The following SLC9C2 variants were observed in gnomAD, a reference collection of about 807,000 sequenced individuals.
SLC9C2 encodes the protein sodium/hydrogen exchanger 11.
SLC9C2 carries 75 observed loss-of-function variants against 140.2 expected under a neutral mutation model. The ratio of observed to expected loss-of-function variants is 0.53; its 90% CI spans 0.44 to 0.65. SLC9C2 has a LOEUF of 0.65. Ranked by LOEUF, SLC9C2 falls within the 30% of genes least tolerant of loss-of-function variation. The pLI is 0.00. For missense variants in SLC9C2, 1,074 were observed against 1,331.8 expected (o/e 0.81, Z 3.01); for synonymous variants, 375 against 420.9 (o/e 0.89, Z 1.34).
chr1:173,566,894 T>C (rs1378416288), intron 9 of SLC9C2, among the ~76,000 whole-genome samples: 3 of 152,044 alleles, frequency 2.0e-5, no homozygotes, highest in Non-Finnish European at 2.9e-5. Flanking sequence ...TTATCATATG[T>C]TTCAAGAAAT....
chr1:173,526,891 G>C (rs1421032714), intron 18 of SLC9C2, among the ~76,000 whole-genome samples, 177 bp from the exon 19 acceptor site: 1 of 151,940 alleles, frequency 6.6e-6, no homozygotes, highest in African/African-American at 2.4e-5. Context: ...TGTTGCCGAG[G>C]TTGGAGTGCA....
chr1:173,558,201 C>T (rs1359100680), intron 9 of SLC9C2, among the ~76,000 whole-genome samples: 1 of 152,146 alleles, frequency 6.6e-6, no homozygotes, highest in East Asian at 1.9e-4. Context: ...AGTTGATCAA[C>T]TATAATTGCA....
rs2101891720 is a variant in SLC9C2 at position 173,506,917 on chromosome 1, A to G, written c.3164T>C (p.Ile1055Thr). 1 of 1,613,944 alleles carries G rather than the reference A, an allele frequency of 6.2e-7. No individual in the cohort carries two copies. Among genetic ancestry groups the G allele is most frequent in the East Asian group, 2.2e-5 (1 of 44,860 alleles). ...KFVIIVYGSV[I>T]DTKTEEPYFA... ...ATATGGTTCCTCTGTCTTAGTATCAATTACACTGCCATACACAATGATAAC... is the reference window on the plus strand; with the variant it reads ...ATATGGTTCCTCTGTCTTAGTATCAGTTACACTGCCATACACAATGATAAC... Residue 1055 changes from isoleucine to threonine, a missense_variant, in exon 25 of 28, where the codon ATT becomes ACT. Ile to Thr is a moderately conservative substitution (Grantham distance 89, BLOSUM62 -1). Transcript: ENST00000367714.
chr1:173,548,988 T>C (rs1663064744), intron 11 of SLC9C2, among the ~76,000 whole-genome samples: 1 of 152,206 alleles, frequency 6.6e-6, no homozygotes, highest in Admixed American at 6.5e-5. Flanking sequence ...CTGTACATAA[T>C]AACATTTAAA....
chr1:173,536,079 T>C (rs1661933912), intron 14 of SLC9C2, 130 bp from the exon 15 acceptor site: 1 of 704,432 alleles, frequency 1.4e-6, no homozygotes, highest in Non-Finnish European at 2.1e-6. Context: ...GTCTCATGCC[T>C]CTGCATCCAT....
intron 15 of SLC9C2, among the ~76,000 whole-genome samples, chr1:173,535,114 T>G (rs984813570): frequency 6.6e-6 from 1 of 152,096 alleles, no homozygotes; most frequent in African/African-American, 2.4e-5. Flanking sequence ...AGAAATTCTT[T>G]GGATATATGT....
chr1:173,530,089 C>T, intron 17 of SLC9C2, 35 bp from the exon 18 acceptor site: 2 of 1,558,314 alleles, frequency 1.3e-6, no homozygotes, highest in Non-Finnish European at 8.6e-7. Context: ...AAAACCTGTA[C>T]ATTTGATGAG....
chr1:173,555,349 T>C (rs1332284941), intron 10 of SLC9C2: 1 of 152,414 alleles, frequency 6.6e-6, no homozygotes, highest in Non-Finnish European at 1.5e-5. Flanking sequence ...CTTTGCCATT[T>C]CTTAGCCATG....
intron 17 of SLC9C2, among the ~76,000 whole-genome samples, chr1:173,532,492 T>C (rs1304721852): frequency 6.6e-6 from 1 of 152,172 alleles, no homozygotes; most frequent in Non-Finnish European, 1.5e-5. Context: ...AATGAAGGCA[T>C]AGTAATTGTT....
intron 10 of SLC9C2, among the ~76,000 whole-genome samples, chr1:173,556,382 A>T (rs1663703615): frequency 6.6e-6 from 1 of 152,158 alleles, no homozygotes; most frequent in Non-Finnish European, 1.5e-5. Flanking sequence ...AAAGGAAACC[A>T]AGTTTTGTTT....
intron 9 of SLC9C2, among the ~76,000 whole-genome samples, chr1:173,557,940 A>G (rs1663821156): frequency 1.3e-5 from 2 of 152,330 alleles, no homozygotes; most frequent in Admixed American, 1.3e-4. Flanking sequence ...TAAACAATAA[A>G]TAATAAAAAA....
At chr1:173,564,495 C>T (rs1351988035) in intron 9 of SLC9C2, among the ~76,000 whole-genome samples, 2 of 152,130 alleles carry the variant, frequency 1.3e-5, no homozygotes, top group Non-Finnish European at 2.9e-5. Context: ...GCCATCTGTA[C>T]GTCTTCTTTA....
At chr1:173,530,079 A>T in intron 17 of SLC9C2, 25 bp from the exon 18 acceptor site, 2 of 1,567,016 alleles carry the variant, frequency 1.3e-6, no homozygotes, top group Non-Finnish European at 1.7e-6. Context: ...AGAAGAAAAA[A>T]AAACCTGTAC....
intron 11 of SLC9C2, among the ~76,000 whole-genome samples, chr1:173,552,429 T>G (rs1202176242): frequency 6.6e-6 from 1 of 152,204 alleles, no homozygotes; most frequent in African/African-American, 2.4e-5. Context: ...CTTTCATTAC[T>G]AAAAAGGAAA....
At position 173,505,339 on chromosome 1, in the gene SLC9C2, A is replaced by G; in HGVS notation, c.3226-8T>C. On this transcript the variant is annotated splice_polypyrimidine_tract_variant and splice_region_variant and intron_variant, in intron 25 of 27. Transcript: ENST00000367714. The stretch of plus-strand genomic sequence containing the variant: ...ATCAGAAGTTCCCTGAACCTAGAGG[A>G]GAAAAGTCAAAATTAGTCAAAAGAG... 1 of 1,611,378 alleles carries G rather than the reference A, an allele frequency of 6.2e-7. No homozygotes were observed. The highest frequency in any genetic ancestry group is 8.5e-7 in the Non-Finnish European group (1 of 1,177,628).
chr1:173,570,933 A>G (rs367904621), intron 9 of SLC9C2, among the ~76,000 whole-genome samples: 2 of 152,188 alleles, frequency 1.3e-5, no homozygotes, highest in African/African-American at 4.8e-5. Context: ...TGGTGTCAGC[A>G]ATCCATGACT....
chr1:173,563,843 C>A (rs768749281), intron 9 of SLC9C2, among the ~76,000 whole-genome samples: 9 of 152,166 alleles, frequency 5.9e-5, no homozygotes, highest in Non-Finnish European at 1.2e-4. Context: ...ACTTTCCCCC[C>A]TTATCCCCCT....
At chr1:173,516,535 G>C (rs190193761) in intron 23 of SLC9C2, among the ~76,000 whole-genome samples, 41 of 152,170 alleles carry the variant, frequency 2.7e-4, no homozygotes, top group Non-Finnish European at 5.7e-4. Context: ...TCATCATTTA[G>C]CTCCCACTTA....
In SLC9C2 at chr1:173,528,720, T is replaced by C. The variant is rs578138762; in HGVS notation, c.2313+1185A>G. Among the ~76,000 whole-genome samples the C allele has an allele frequency of 2.0e-5, 3 of 152,332 alleles. No homozygotes were observed. In the South Asian group the frequency reaches 6.2e-4, roughly 32 times the overall value. On this transcript the variant is annotated intron_variant, in intron 18 of 27. Transcript: ENST00000367714. ...CCTCTAGGCCATCCATGGTTTTATG[T>C]ATCCACACATAATCATTGTAGTAAT...
Sources: gnomAD v4.1 joint callset for allele counts (sites outside exome capture counted in the v4.1 genomes callset) on GRCh38, gnomAD v4.1.1 for gene constraint, MANE v1.5 for transcripts, NCBI Gene and HGNC (gene_info 2026-07-23, HGNC 2026-07-21) for gene names.